The following KIAA0319 variants were observed in gnomAD, a reference collection of about 807,000 sequenced individuals.
The protein encoded by KIAA0319 is KIAA0319.
KIAA0319 carries 83 observed loss-of-function variants against 108.4 expected under a neutral mutation model. The observed-to-expected ratio is 0.77, with a 90% confidence interval of 0.64 to 0.92. KIAA0319 has a LOEUF of 0.92. Among genes scored for constraint, KIAA0319 ranks in the 40% least tolerant of loss-of-function variants. The pLI, the probability that KIAA0319 is intolerant of heterozygous loss-of-function variation, is 0.00. For synonymous variants in KIAA0319, 484 were observed against 510.4 expected (o/e 0.95, Z 0.70); for missense variants, 1,195 against 1,322.4 (o/e 0.90, Z 1.49).
At chr6:24,607,991 TAAAC>T (rs1258344095) in intron 1 of KIAA0319, among the ~76,000 whole-genome samples, 1 of 152,048 alleles carries the variant, frequency 6.6e-6, no homozygotes, top group Non-Finnish European at 1.5e-5. Flanking sequence ...ATTTAAAAAA[TAAAC>T]AGAAGATTAA....
chr6:24,599,856 A>G lies in KIAA0319; in HGVS notation c.55+1193T>C, dbSNP rs1219409598. 1.7e-5 allele frequency: 7 copies of G among 422,756 alleles called. No homozygotes were observed. Among genetic ancestry groups the G allele is most frequent in the Non-Finnish European group, 2.7e-5 (6 of 224,142 alleles). 26.2% of individuals were successfully genotyped at this position (422,756 alleles called of 1,614,324 possible). The stretch of plus-strand genomic sequence containing the variant: ...TGCCCCAGAGCCTGTGGGGGAGGCC[A>G]CTGTGCAGGGGAGCATAGGGAACAG... On this transcript the variant is annotated intron_variant, in intron 2 of 20. Transcript: ENST00000378214. This position sits in a 1 kb window ranked among gnomAD's most constrained non-coding sequence, Gnocchi z 4.1.
intron 1 of KIAA0319, 61 bp from the exon 2 acceptor site, chr6:24,601,269 A>G: frequency 1.4e-6 from 2 of 1,439,490 alleles, no homozygotes; most frequent in Non-Finnish European, 1.8e-6. Context: ...AGAAACATCC[A>G]AAATTATTTC....
At chr6:24,564,790 G>T (rs1315344630) in intron 14 of KIAA0319, among the ~76,000 whole-genome samples, 6 of 152,186 alleles carry the variant, frequency 3.9e-5, no homozygotes, top group African/African-American at 1.4e-4. Flanking sequence ...CCTCTGTTCT[G>T]TGGGCTTCTA....
At chr6:24,607,322 C>G (rs1582197195) in intron 1 of KIAA0319, among the ~76,000 whole-genome samples, 1 of 151,354 alleles carries the variant, frequency 6.6e-6, no homozygotes, top group Admixed American at 6.6e-5. Flanking sequence ...TGCCATTGCA[C>G]TCCAGCCTGG....
rs979175385 is a variant in KIAA0319, at chr6:24,574,867, G to C, written c.1734+1501C>G. Among the ~76,000 whole-genome samples the C allele has an allele frequency of 4.6e-5, 7 of 152,192 alleles. No homozygotes were observed. The East Asian group carries it at 1.2e-3, about 25-fold the overall frequency. ...GCACGTTTCTCTGAAAAGTTCAACA[G>C]GGAAAGTATAATTTCCCAGGAGTTG... On this transcript the variant is annotated intron_variant, in intron 10 of 20. Transcript: ENST00000378214.
intron 1 of KIAA0319, among the ~76,000 whole-genome samples, chr6:24,605,109 G>C (rs1348891463): frequency 2.0e-5 from 3 of 152,178 alleles, no homozygotes; most frequent in Non-Finnish European, 4.4e-5. Context: ...CCAAAGTGCT[G>C]GGATTATAGG....
intron 4 of KIAA0319, among the ~76,000 whole-genome samples, chr6:24,584,219 C>T (rs1360369039): frequency 6.6e-6 from 1 of 151,958 alleles, no homozygotes; most frequent in Non-Finnish European, 1.5e-5. Context: ...ATATAAAAAA[C>T]CTATTTTAAC....
rs1770045184 is a variant in KIAA0319 at position 24,598,232 on chromosome 6, C to T, written c.56-1614G>A. ...GGTATGGAGGGCATCACAGCCATCA[C>T]AGTCAACTAGAGCCTGCTGAGCCCC... On this transcript the variant is annotated intron_variant, in intron 2 of 20. Transcript: ENST00000378214. 3 of 556,080 alleles carry T rather than the reference C, an allele frequency of 5.4e-6. No homozygotes were observed. The South Asian group carries it at 5.5e-5, about 10-fold the overall frequency. 34.4% of individuals were successfully genotyped at this position (556,080 alleles called of 1,614,324 possible). A position where few individuals can be genotyped will look rare whatever the true frequency, so the allele number is the denominator to read the frequency against.
chr6:24,564,138 G>A (rs901138906), intron 15 of KIAA0319, 64 bp downstream of exon 15: 35 of 1,602,120 alleles, frequency 2.2e-5, no homozygotes, highest in African/African-American at 1.6e-4. Flanking sequence ...ATCTGTCAGC[G>A]TAAAGACCCC....
At chr6:24,563,245 T>A (rs1763340343) in intron 16 of KIAA0319, 114 bp downstream of exon 16, 1 of 1,191,210 alleles carries the variant, frequency 8.4e-7, no homozygotes, top group Non-Finnish European at 1.2e-6. Context: ...GGGATAAAAG[T>A]GTGTCAAAAA....
intron 19 of KIAA0319, among the ~76,000 whole-genome samples, chr6:24,552,684 C>A (rs2127417161): frequency 6.6e-6 from 1 of 152,290 alleles, no homozygotes; most frequent in East Asian, 1.9e-4. Flanking sequence ...CAGCTCACTG[C>A]AACCTCTTCC....
rs1486302540 is a variant in KIAA0319, at chr6:24,556,645, A to AG, written c.2818dup (p.Leu940ProfsTer14). 1 of 1,614,052 alleles carries AG rather than the reference A, an allele frequency of 6.2e-7. No homozygotes were observed. The highest frequency in any genetic ancestry group is 1.1e-5 in the South Asian group (1 of 91,062). On this transcript the variant is annotated frameshift_variant, in exon 18 of 21. Coordinates refer to ENST00000378214, the MANE Select transcript of KIAA0319 (RefSeq NM_014809.4). LOFTEE classifies it high-confidence loss of function. ...TCCATCCCAGATATAACGCTGTATA[A>AG]GGTTCTCCATCCATAAGTGAGAGCA...
chr6:24,620,401 T>G (rs6939200), intron 1 of KIAA0319, among the ~76,000 whole-genome samples: 1 of 152,100 alleles, frequency 6.6e-6, no homozygotes, highest in Non-Finnish European at 1.5e-5. Context: ...CCTGGATTCA[T>G]GCAATTCTTC....
chr6:24,622,456 A>G (rs571659938), intron 1 of KIAA0319, among the ~76,000 whole-genome samples: 38 of 152,300 alleles, frequency 2.5e-4, no homozygotes, highest in African/African-American at 8.7e-4. Context: ...GAAAAATTTG[A>G]AAGGATATTG....
Position 24,547,268 on chromosome 6 carries a change from G to T in KIAA0319, c.3116C>A (p.Thr1039Lys), listed in dbSNP as rs1327726384. The T allele has an allele frequency of 3.1e-6, 5 of 1,614,036 alleles. No individual in the cohort carries two copies. Among genetic ancestry groups the T allele is most frequent in the Non-Finnish European group, 3.4e-6 (4 of 1,180,004 alleles). The change falls in exon 21 of 21, where the codon ACA becomes AAA. Residue 1039 changes from threonine (T) to lysine (K), a missense_variant. Coordinates refer to ENST00000378214, the MANE Select transcript of KIAA0319 (RefSeq NM_014809.4). ...SESEFDSDQD[T>K]IFSREKMERG... The stretch of plus-strand genomic sequence containing the variant: ...CTCCATCTTTTCTCGGCTGAAGATT[G>T]TGTCCTGGTCACTGTCAAACTCAGA...
rs573570673 is a variant in KIAA0319, at chr6:24,625,137, TA to T, written c.-106+20598del. Among the ~76,000 whole-genome samples, 289 of 152,330 alleles carry T rather than the reference TA, an allele frequency of 1.9e-3. 2 individuals are homozygous for T. The South Asian group carries it at 0.024, about 13-fold the overall frequency. On this transcript the variant is annotated intron_variant, in intron 1 of 20. Transcript: ENST00000378214. ...ATAACTTCTGTTTTTTTTATTTCTA[TA>T]AAATTGTCTGCCAAATAGAACAAGA...
intron 1 of KIAA0319, among the ~76,000 whole-genome samples, chr6:24,622,451 A>G (rs921369631): frequency 6.6e-6 from 1 of 152,190 alleles, no homozygotes; most frequent in Admixed American, 6.5e-5. Flanking sequence ...CTTTGGAAAA[A>G]TTTGAAAGGA....
chr6:24,635,267 A>G (rs1174984412), intron 1 of KIAA0319, among the ~76,000 whole-genome samples: 1 of 151,608 alleles, frequency 6.6e-6, no homozygotes, highest in African/African-American at 2.4e-5. Context: ...ACCACACCCA[A>G]CTAATTTTTG....
chr6:24,601,200 C>A lies in KIAA0319; in HGVS notation c.-97G>T. The A allele has an allele frequency of 6.5e-7, 1 of 1,543,780 alleles. No individual in the cohort carries two copies. The highest frequency in any genetic ancestry group is 8.7e-7 in the Non-Finnish European group (1 of 1,144,518). On this transcript the variant is annotated 5_prime_UTR_variant, in exon 2 of 21. Transcript: ENST00000378214. Reference sequence around the variant, plus strand: ...GATGTTTTTTAGGAGCCAGATTTGGCCTCAAGAACTTCAAAGGAAAAACAT... The same window carrying A: ...GATGTTTTTTAGGAGCCAGATTTGGACTCAAGAACTTCAAAGGAAAAACAT...
Sources: gnomAD v4.1 joint callset for allele counts (sites outside exome capture counted in the v4.1 genomes callset) on GRCh38, gnomAD v4.1.1 for gene constraint, Gnocchi (gnomAD v3.1) non-coding constraint, MANE v1.5 for transcripts, NCBI Gene and HGNC (gene_info 2026-07-23, HGNC 2026-07-21) for gene names.